Variants in POM121 observed in about 807,000 individuals in gnomAD.
POM121 encodes the protein nuclear envelope pore membrane protein POM 121.
Under a neutral mutation model 81.3 loss-of-function variants are expected in POM121, and 32 were observed. The observed-to-expected ratio is 0.39, with a 90% CI of 0.30 to 0.53. The LOEUF (loss-of-function observed/expected upper bound fraction) is 0.53. Ranked by LOEUF, POM121 falls within the 20% of genes least tolerant of loss-of-function variation. The probability of loss-of-function intolerance (pLI) is 0.66; values close to 1 mark genes in which losing one functional copy is unlikely to be tolerated. For synonymous variants in POM121, 514 were observed against 694.2 expected, an observed-to-expected ratio of 0.74 and a Z score of 4.08; for missense variants, 1,138 against 1,614.6, an observed-to-expected ratio of 0.70 and a Z score of 5.06.
At position 72,943,461 on chromosome 7, in the gene POM121, C is replaced by T. The variant is rs781989356; in HGVS notation, c.3468C>T (p.Gly1156=). 3.1e-6 allele frequency: 5 copies of T among 1,612,868 alleles called. No individual in the cohort carries two copies. The highest frequency in any genetic ancestry group is 4.5e-5 in the East Asian group (2 of 44,854). Residue 1156 remains glycine (G), a synonymous_variant, in exon 11 of 13, where the codon GGC becomes GGT. Transcript: ENST00000434423. ...GLGQNALGTT[G]QSTPFAFNVS... is the part of the protein sequence containing the mutation. ...GTCAGAACGCCCTGGGCACCACCGG[C>T]CAGAGCACACCGTTTGCCTTCAACG...
Position 72,925,233 on chromosome 7 carries a change from G to T in POM121, c.112G>T (p.Gly38Cys), listed in dbSNP as rs763716260. ...CGGPARAVLL[G>C]LSLVGLLLYL... Reference sequence around the variant, plus strand: ...CGGGCCGGCCAGGGCGGTGCTCCTGGGCCTGTCGCTGGTTGGCCTCTTACT... The same window carrying T: ...CGGGCCGGCCAGGGCGGTGCTCCTGTGCCTGTCGCTGGTTGGCCTCTTACT... Residue 38 changes from glycine to cysteine, a missense_variant, in exon 1 of 13, where the codon GGC (glycine) becomes TGC (cysteine). Gly to Cys is a radical substitution (Grantham distance 159). This residue lies in a region of POM121 where 646 missense variants were observed against 633.5 expected (regional missense o/e 1.02). Transcript: ENST00000434423. 52 of 1,533,498 alleles carry T rather than the reference G, an allele frequency of 3.4e-5. No homozygotes were observed. Among genetic ancestry groups the T allele is most frequent in the Non-Finnish European group, 4.5e-5 (52 of 1,146,100 alleles). The allele number at this position is 1,533,498 out of a possible 1,614,324, so 95.0% of individuals were successfully genotyped here.
In POM121 at chr7:72,938,671, A is replaced by C. The variant is rs1554500031; in HGVS notation, c.1357A>C (p.Lys453Gln). The change falls in exon 6 of 13, where the codon AAG (lysine) becomes CAG (glutamine). Residue 453 changes from lysine (K) to glutamine (Q), a missense_variant. Lys to Gln is a moderately conservative substitution (Grantham distance 53). This residue lies in a region of POM121 where 646 missense variants were observed against 633.5 expected (regional missense o/e 1.02). Coordinates refer to ENST00000434423, the MANE Select transcript of POM121 (RefSeq NM_001387691.1). ...CTCCCAGACACCGGAGAGGCCAGCA[A>C]AGAAAATAAGGTACTTGGCATTCTC... is the stretch of plus-strand genomic sequence containing the variant. ...SRSQTPERPA[K>Q]KIREEELCHH... 1.2e-6 allele frequency: 2 copies of C among 1,613,696 alleles called. No individual in the cohort carries two copies. Among genetic ancestry groups the C allele is most frequent in the East Asian group, 4.5e-5 (2 of 44,880 alleles).
At chr7:72,922,633 C>G (rs1428817080), upstream of POM121, among the ~76,000 whole-genome samples, 1 of 151,952 alleles carries the variant, frequency 6.6e-6, no homozygotes, top group Non-Finnish European at 1.5e-5. Flanking sequence ...TCAAAGCGAT[C>G]CGCCCACCTT....
chr7:72,913,555 A>G (rs1794007660), intron 3 of POM121, among the ~76,000 whole-genome samples: 1 of 152,140 alleles, frequency 6.6e-6, no homozygotes. Flanking sequence ...TGTTCCTGGG[A>G]CACCGCTGAC....
downstream of POM121, chr7:72,950,257 C>A: frequency 1.3e-6 from 2 of 1,514,610 alleles, no homozygotes; most frequent in East Asian, 4.7e-5. Context: ...GGCCCTATTT[C>A]AACGGTCCAT....
In POM121 at chr7:72,897,455, G is replaced by C. The variant is rs575249707; in HGVS notation, c.-216+6345G>C. On this transcript the variant is annotated intron_variant, in intron 3 of 15. Transcript: ENST00000395270. Reference sequence around the variant, plus strand: ...GAGAGTTGAGATCCAAGAGGGAGCAGGGAGTCATGTCACGCCCTGGTGAGG... The same window carrying C: ...GAGAGTTGAGATCCAAGAGGGAGCACGGAGTCATGTCACGCCCTGGTGAGG... Among the ~76,000 whole-genome samples the C allele has an allele frequency of 8.5e-5, 13 of 152,326 alleles. No individual in the cohort carries two copies. The East Asian group carries it at 1.5e-3, about 18-fold the overall frequency.
chr7:72,948,327 G>A, downstream of POM121: 1 of 1,605,506 alleles, frequency 6.2e-7, no homozygotes, highest in South Asian at 1.1e-5. Flanking sequence ...TATTTCTGCA[G>A]GCAACACTTT....
At chr7:72,938,429 G>C (rs1554499947) in intron 5 of POM121, among the ~76,000 whole-genome samples, 161 bp from the exon 6 acceptor site, 1 of 151,870 alleles carries the variant, frequency 6.6e-6, no homozygotes, top group East Asian at 1.9e-4. Context: ...GGGCTCAAGC[G>C]ATCCTCCCAC....
intron 1 of POM121, among the ~76,000 whole-genome samples, chr7:72,883,448 C>G (rs1790366816): frequency 6.6e-6 from 1 of 152,174 alleles, no homozygotes; most frequent in Non-Finnish European, 1.5e-5. Context: ...GCCACCACAC[C>G]TGGCCAATAA....
chr7:72,902,630 G>T lies in POM121; in HGVS notation c.-215-11135G>T, dbSNP rs532146787. On this transcript the variant is annotated intron_variant, in intron 3 of 15. Transcript: ENST00000395270. The stretch of plus-strand genomic sequence containing the variant: ...TGCAGGCTTGACTTCTCACACTCAG[G>T]CAATTCTCCCACCTCAGCCTCCCAA... 8.7e-4 allele frequency among the ~76,000 whole-genome samples: 133 copies of T among 152,154 alleles called. 3 individuals carry two copies. In the South Asian group the frequency reaches 0.027, roughly 31 times the overall value.
chr7:72,887,311 A>G (rs1261483294), intron 1 of POM121, among the ~76,000 whole-genome samples: 1 of 151,746 alleles, frequency 6.6e-6, no homozygotes, highest in East Asian at 1.9e-4. Context: ...CTCTGTGTCA[A>G]TTCTGGGCCA....
rs543816246 is a variant in POM121, at chr7:72,941,122, C to A, written c.1843+129C>A. ...GCCGAACGCACCCTGGCTCAGCACA[C>A]CGGAGCGGGCCCACGTTTAACAGCG... On this transcript the variant is annotated intron_variant, in intron 10 of 12. Transcript: ENST00000434423. 1.3e-5 allele frequency: 8 copies of A among 609,864 alleles called. No individual in the cohort carries two copies. In the East Asian group the frequency reaches 1.9e-4, roughly 15 times the overall value. 37.8% of individuals were successfully genotyped at this position (609,864 alleles called of 1,614,324 possible).
At chr7:72,912,742 G>C (rs1563145731) in intron 3 of POM121, among the ~76,000 whole-genome samples, 2 of 152,184 alleles carry the variant, frequency 1.3e-5, no homozygotes, top group Non-Finnish European at 1.5e-5. Context: ...TCGCGCCACT[G>C]TACTCCAGCC....
At chr7:72,893,071 G>A (rs1203753257) in intron 3 of POM121, among the ~76,000 whole-genome samples, 5 of 151,916 alleles carry the variant, frequency 3.3e-5, no homozygotes, top group African/African-American at 9.7e-5. Context: ...TGATTCTTGT[G>A]CTCAGCCTCC....
downstream of POM121, chr7:72,949,214 G>A (rs1554504228): frequency 6.4e-6 from 6 of 943,170 alleles, no homozygotes; most frequent in Admixed American, 9.0e-5. Flanking sequence ...AGGGTCCCAA[G>A]CCCATTAAAG....
intron 3 of POM121, among the ~76,000 whole-genome samples, chr7:72,927,620 G>A (rs1795591667): frequency 6.6e-6 from 1 of 151,886 alleles, no homozygotes; most frequent in Admixed American, 6.6e-5. Flanking sequence ...TGAGACAGGA[G>A]AATTGCTTGA....
intron 3 of POM121, among the ~76,000 whole-genome samples, chr7:72,927,723 T>C (rs1246224679): frequency 6.6e-6 from 1 of 151,726 alleles, no homozygotes; most frequent in African/African-American, 2.4e-5. Flanking sequence ...AAAAAATCCT[T>C]ATGTGGTTTA....
downstream of POM121, chr7:72,948,731 G>A (rs782718763): frequency 1.1e-5 from 17 of 1,546,580 alleles, no homozygotes; most frequent in Non-Finnish European, 1.5e-5. Context: ...GGTCTTGGGG[G>A]AAGCCCGGAG....
chr7:72,938,847 A>G (rs1328848429), intron 6 of POM121, among the ~76,000 whole-genome samples, 166 bp downstream of exon 6: 1 of 152,238 alleles, frequency 6.6e-6, no homozygotes, highest in Non-Finnish European at 1.5e-5. Flanking sequence ...AAGTGCTGTC[A>G]TCCCTACAGT....
Sources: gnomAD v4.1 joint callset for allele counts (sites outside exome capture counted in the v4.1 genomes callset) on GRCh38, gnomAD v4.1.1 for gene constraint, gnomAD v4.1.1 regional missense constraint, MANE v1.5 for transcripts, NCBI Gene and HGNC (gene_info 2026-07-23, HGNC 2026-07-21) for gene names.